The following CHCHD3 variants were observed in gnomAD, a reference collection of about 807,000 sequenced individuals.
CHCHD3 encodes MICOS complex subunit MIC19.
Under a neutral mutation model 38.2 loss-of-function variants are expected in CHCHD3, and 20 were observed. The observed-to-expected ratio is 0.52, with a 90% CI of 0.37 to 0.76. The LOEUF (loss-of-function observed/expected upper bound fraction) is 0.76. Among genes scored for constraint, CHCHD3 ranks in the 30% least tolerant of loss-of-function variants. The probability of loss-of-function intolerance (pLI) is 0.00; values close to 1 mark genes in which losing one functional copy is unlikely to be tolerated. For missense variants in CHCHD3, 245 were observed against 279.2 expected (o/e 0.88, Z 0.87); for synonymous variants, 82 against 100.0 (o/e 0.82, Z 1.07).
At chr7:133,052,759 C>A (rs982906530) in intron 2 of CHCHD3, among the ~76,000 whole-genome samples, 10 of 152,220 alleles carry the variant, frequency 6.6e-5, no homozygotes, top group African/African-American at 2.4e-4. Flanking sequence ...TTCAAACCCT[C>A]TCACAAGACA....
intron 2 of CHCHD3, among the ~76,000 whole-genome samples, chr7:133,059,392 T>A (rs1382346187): frequency 6.6e-6 from 1 of 152,108 alleles, no homozygotes; most frequent in African/African-American, 2.4e-5. Flanking sequence ...GGTACTAATG[T>A]CAGATTAACT....
intron 7 of CHCHD3, among the ~76,000 whole-genome samples, chr7:132,792,567 G>A (rs1301806130): frequency 6.6e-6 from 1 of 152,148 alleles, no homozygotes; most frequent in Non-Finnish European, 1.5e-5. Context: ...AATACTGGAG[G>A]TCTCAAAAGG....
At chr7:132,995,603 T>G (rs1812392997) in intron 3 of CHCHD3, among the ~76,000 whole-genome samples, 2 of 152,186 alleles carry the variant, frequency 1.3e-5, no homozygotes, top group African/African-American at 4.8e-5. Context: ...TTAAAAGCAC[T>G]TTTTGTGAAT....
intron 3 of CHCHD3, among the ~76,000 whole-genome samples, chr7:133,011,424 C>A (rs1394852371): frequency 2.6e-5 from 4 of 152,144 alleles, no homozygotes; most frequent in Admixed American, 2.0e-4. Flanking sequence ...ATGGCTTACA[C>A]CAGGGTTTCT....
chr7:133,036,788 C>A (rs1452817935), intron 2 of CHCHD3, among the ~76,000 whole-genome samples: 3 of 152,076 alleles, frequency 2.0e-5, no homozygotes, highest in Non-Finnish European at 4.4e-5. Context: ...ATTGGAGAAC[C>A]AACAGCATTT....
intron 3 of CHCHD3, among the ~76,000 whole-genome samples, chr7:132,985,457 A>T (rs868553750): frequency 0.053 from 1,909 of 35,782 alleles, 325 homozygotes; most frequent in Middle Eastern, 0.094. Context: ...TACTGGGAAG[A>T]GAGGAGCCCC....
intron 3 of CHCHD3, among the ~76,000 whole-genome samples, chr7:133,006,754 T>C (rs899740283): frequency 4.6e-5 from 7 of 152,122 alleles, no homozygotes; most frequent in Non-Finnish European, 8.8e-5. Flanking sequence ...ACACTGGATA[T>C]GTGTAAATTT....
At chr7:132,881,875 C>T (rs534835253) in intron 5 of CHCHD3, among the ~76,000 whole-genome samples, 1 of 152,114 alleles carries the variant, frequency 6.6e-6, no homozygotes, top group East Asian at 1.9e-4. Flanking sequence ...TTTTGCATTA[C>T]GCCTAGAAAA....
intron 4 of CHCHD3, among the ~76,000 whole-genome samples, chr7:132,966,725 A>C (rs550702010): frequency 4.9e-4 from 74 of 152,318 alleles, no homozygotes; most frequent in African/African-American, 1.8e-3. Context: ...TGCTGTAAGA[A>C]TATAAGGAGC....
chr7:133,053,647 G>T (rs111510333), intron 2 of CHCHD3, among the ~76,000 whole-genome samples: 3,966 of 152,266 alleles, frequency 0.026, 178 homozygotes, highest in African/African-American at 0.09. Flanking sequence ...ACGTTAATCT[G>T]AAGCATCCCA....
rs535622175 is a variant in CHCHD3 at position 132,965,941 on chromosome 7, A to C, written c.369+9228T>G. ...ACTCTAAATGCTTTATCTAATCAAC[A>C]AATTTCTATGACAATGAAGACATTT... is the stretch of plus-strand genomic sequence containing the variant. On this transcript the variant is annotated intron_variant, in intron 4 of 7. Coordinates refer to ENST00000262570, the MANE Select transcript of CHCHD3 (RefSeq NM_017812.4). 1.6e-4 allele frequency among the ~76,000 whole-genome samples: 25 copies of C among 152,350 alleles called. No homozygotes were observed. The South Asian group carries it at 2.1e-3, about 13-fold the overall frequency.
chr7:132,895,338 C>T (rs1481734159), intron 4 of CHCHD3, among the ~76,000 whole-genome samples: 2 of 152,236 alleles, frequency 1.3e-5, no homozygotes, highest in East Asian at 3.8e-4. Context: ...ATCTTACATA[C>T]TGTAGAATGT....
intron 3 of CHCHD3, among the ~76,000 whole-genome samples, chr7:132,993,423 C>T (rs117283004): frequency 7.2e-5 from 11 of 152,186 alleles, no homozygotes; most frequent in African/African-American, 2.4e-4. Context: ...AAGTAGTAAT[C>T]GTTGTCAATG....
intron 5 of CHCHD3, among the ~76,000 whole-genome samples, chr7:132,884,155 C>T (rs1289572103): frequency 6.6e-6 from 1 of 152,108 alleles, no homozygotes; most frequent in African/African-American, 2.4e-5. Context: ...GGTTCATCTG[C>T]TCCCAAACCC....
intron 4 of CHCHD3, among the ~76,000 whole-genome samples, chr7:132,938,464 A>C (rs1392761383): frequency 6.6e-6 from 1 of 152,188 alleles, no homozygotes; most frequent in Non-Finnish European, 1.5e-5. Context: ...AAAGACTGAA[A>C]CAGTACACAA....
At chr7:133,078,869 C>T (rs1815085090) in intron 1 of CHCHD3, among the ~76,000 whole-genome samples, 1 of 152,176 alleles carries the variant, frequency 6.6e-6, no homozygotes, top group Non-Finnish European at 1.5e-5. Context: ...TTTCTTCAGC[C>T]AAGCTGAACT....
intron 2 of CHCHD3, among the ~76,000 whole-genome samples, chr7:133,032,236 C>T (rs1813523836): frequency 6.6e-6 from 1 of 152,192 alleles, no homozygotes; most frequent in South Asian, 2.1e-4. Flanking sequence ...ATTCAGCTGA[C>T]AGTTACCTTC....
chr7:132,846,613 A>G (rs1236395860), intron 5 of CHCHD3, among the ~76,000 whole-genome samples: 3 of 152,218 alleles, frequency 2.0e-5, no homozygotes, highest in Non-Finnish European at 4.4e-5. Flanking sequence ...ACCTAGGAGT[A>G]GGTATCTTGT....
At chr7:132,911,334 C>G (rs1266586370) in intron 4 of CHCHD3, among the ~76,000 whole-genome samples, 5 of 152,192 alleles carry the variant, frequency 3.3e-5, no homozygotes, top group Non-Finnish European at 5.9e-5. Flanking sequence ...ACATCATTAA[C>G]TACCTGTCAA....
Sources: allele counts gnomAD v4.1 joint callset (sites outside exome capture counted in the v4.1 genomes callset), GRCh38; gene constraint gnomAD v4.1.1; transcripts MANE v1.5; gene names NCBI Gene and HGNC (gene_info 2026-07-23, HGNC 2026-07-21).